The following AUTS2 variants were observed in gnomAD, a reference collection of about 807,000 sequenced individuals.
AUTS2 encodes autism susceptibility gene 2 protein.
A neutral mutation model predicts 112.4 loss-of-function variants in AUTS2; 17 were observed. The observed-to-expected ratio is 0.15, with a 90% CI of 0.10 to 0.23. The LOEUF is 0.23. AUTS2 is among the 10% of genes least tolerant of loss of function. AUTS2 has a pLI of 1.00. For synonymous variants in AUTS2, 751 were observed against 702.7 expected, an observed-to-expected ratio of 1.07 and a Z score of -1.09; for missense variants, 1,510 against 1,701.6, an observed-to-expected ratio of 0.89 and a Z score of 1.98.
At chr7:69,797,585 C>T (rs992191511) in intron 1 of AUTS2, among the ~76,000 whole-genome samples, 1 of 152,130 alleles carries the variant, frequency 6.6e-6, no homozygotes, top group Non-Finnish European at 1.5e-5. Context: ...AAAGGAAGAG[C>T]CTGCGCTTGG....
chr7:70,040,975 T>A (rs767428873), intron 2 of AUTS2, among the ~76,000 whole-genome samples: 2 of 152,226 alleles, frequency 1.3e-5, no homozygotes, highest in Non-Finnish European at 2.9e-5. Context: ...TAAGTTTACA[T>A]GGGATTTCTT....
intron 1 of AUTS2, among the ~76,000 whole-genome samples, chr7:69,611,936 CA>C (rs896215968): frequency 0.052 from 4,422 of 85,690 alleles, 72 homozygotes; most frequent in East Asian, 0.16. Flanking sequence ...GACTCCGTCT[CA>C]AAAAAAAAAA....
At chr7:69,691,809 A>G (rs577002307) in intron 1 of AUTS2, among the ~76,000 whole-genome samples, 1 of 152,078 alleles carries the variant, frequency 6.6e-6, no homozygotes, top group African/African-American at 2.4e-5. Context: ...TGCTGCCATC[A>G]TCAGTGGGAC....
intron 5 of AUTS2, among the ~76,000 whole-genome samples, chr7:70,467,168 T>C (rs1351023783): frequency 6.6e-6 from 1 of 152,206 alleles, no homozygotes; most frequent in Admixed American, 6.5e-5. Flanking sequence ...CAGCCTTTGA[T>C]CTCTCTACTG....
At chr7:69,809,250 A>C (rs181660770) in intron 1 of AUTS2, among the ~76,000 whole-genome samples, 2 of 149,740 alleles carry the variant, frequency 1.3e-5, no homozygotes, top group Non-Finnish European at 3.0e-5. Context: ...AATTTTTTGT[A>C]TTTTTTTTTG....
At chr7:70,003,401 TATA>T (rs1321016745) in intron 2 of AUTS2, among the ~76,000 whole-genome samples, 2 of 123,920 alleles carry the variant, frequency 1.6e-5, no homozygotes, top group Admixed American at 9.1e-5. Context: ...TATGAATATA[TATA>T]ATATATATGA....
At position 70,287,493 on chromosome 7, in the gene AUTS2, T is replaced by C. The variant is rs551734503; in HGVS notation, c.661-148259T>C. Among the ~76,000 whole-genome samples the C allele has an allele frequency of 2.0e-5, 3 of 152,336 alleles. No individual in the cohort carries two copies. The East Asian group carries it at 5.8e-4, about 29-fold the overall frequency. ...GAATGGATTAGCAAATTATAGGGAC[T>C]AATGAAATTAAATAAAGATTATTCA... is the stretch of plus-strand genomic sequence containing the variant. On this transcript the variant is annotated intron_variant, in intron 4 of 18. Transcript: ENST00000342771.
At chr7:70,311,664 C>A (rs1266460252) in intron 4 of AUTS2, among the ~76,000 whole-genome samples, 1 of 152,186 alleles carries the variant, frequency 6.6e-6, no homozygotes, top group Non-Finnish European at 1.5e-5. Context: ...TCAAGCGATT[C>A]TTGTGCCTCA....
At chr7:70,184,755 CCTT>C (rs1809509698) in intron 4 of AUTS2, among the ~76,000 whole-genome samples, 1 of 152,158 alleles carries the variant, frequency 6.6e-6, no homozygotes, top group African/African-American at 2.4e-5. Flanking sequence ...GAGACGCCAG[CCTT>C]CTTTGTCTTT....
intron 5 of AUTS2, among the ~76,000 whole-genome samples, chr7:70,537,413 C>A (rs1800367992): frequency 6.6e-6 from 1 of 152,238 alleles, no homozygotes; most frequent in Non-Finnish European, 1.5e-5. Flanking sequence ...TTTTTACACA[C>A]TGCTGAAATG....
chr7:70,448,246 T>C (rs1473215814), intron 5 of AUTS2, among the ~76,000 whole-genome samples: 1 of 152,158 alleles, frequency 6.6e-6, no homozygotes, highest in Non-Finnish European at 1.5e-5. Context: ...CTGGACAGAA[T>C]GGACAAGCCA....
Position 70,413,126 on chromosome 7 carries a change from T to C in AUTS2, c.661-22626T>C, listed in dbSNP as rs141421131. ...CCCCTTGTAGGCTCCTTTGTCTTCA[T>C]TGATTGACATATCCAAGGAGTCCTG... On this transcript the variant is annotated intron_variant, in intron 4 of 18. Transcript: ENST00000342771. Among the ~76,000 whole-genome samples the C allele has an allele frequency of 9.8e-5, 15 of 152,378 alleles. No homozygotes were observed. The East Asian group carries it at 2.7e-3, about 27-fold the overall frequency.
intron 6 of AUTS2, among the ~76,000 whole-genome samples, chr7:70,731,211 A>T (rs796206413): frequency 3.9e-5 from 6 of 151,994 alleles, no homozygotes; most frequent in African/African-American, 1.4e-4. Context: ...CACTTTCTTG[A>T]TAGTGTCTTT....
intron 18 of AUTS2, among the ~76,000 whole-genome samples, chr7:70,789,270 T>G (rs1791717656): frequency 6.6e-6 from 1 of 152,204 alleles, no homozygotes; most frequent in Admixed American, 6.5e-5. Context: ...GTGACACTGA[T>G]GTTGAACCCT....
chr7:70,181,139 T>C (rs1234106105), intron 4 of AUTS2, among the ~76,000 whole-genome samples: 1 of 152,262 alleles, frequency 6.6e-6, no homozygotes, highest in East Asian at 1.9e-4. Flanking sequence ...TATGTTTTGC[T>C]CTTCCACTAC....
chr7:70,284,356 C>T (rs1345882424), intron 4 of AUTS2, among the ~76,000 whole-genome samples: 1 of 152,070 alleles, frequency 6.6e-6, no homozygotes, highest in African/African-American at 2.4e-5. Flanking sequence ...GTCACACTTA[C>T]CCAGTGATCA....
chr7:70,567,151 T>C (rs1056649278), intron 5 of AUTS2, among the ~76,000 whole-genome samples: 2 of 152,240 alleles, frequency 1.3e-5, no homozygotes, highest in Non-Finnish European at 1.5e-5. Flanking sequence ...AAAATATCAG[T>C]GTGTTCATGT....
At chr7:69,881,590 T>G (rs879267240) in intron 1 of AUTS2, among the ~76,000 whole-genome samples, 1 of 152,164 alleles carries the variant, frequency 6.6e-6, no homozygotes, top group Non-Finnish European at 1.5e-5. Context: ...CTCTCTCTGG[T>G]AGCAGTTAAC....
At chr7:70,186,205 T>A (rs1258100720) in intron 4 of AUTS2, among the ~76,000 whole-genome samples, 1 of 152,162 alleles carries the variant, frequency 6.6e-6, no homozygotes, top group Non-Finnish European at 1.5e-5. Flanking sequence ...CTGAAGAAGT[T>A]GTCTTTGTGT....
Sources: gnomAD v4.1 joint callset for allele counts (sites outside exome capture counted in the v4.1 genomes callset) on GRCh38, gnomAD v4.1.1 for gene constraint, MANE v1.5 for transcripts, NCBI Gene and HGNC (gene_info 2026-07-23, HGNC 2026-07-21) for gene names.